Variants in GRM8 observed in about 807,000 individuals in gnomAD.
The protein encoded by GRM8 is glutamate metabotropic receptor 8.
A neutral mutation model predicts 87.2 loss-of-function variants in GRM8; 47 were observed. The observed-to-expected ratio is 0.54, with a 90% confidence interval of 0.43 to 0.69. The LOEUF (loss-of-function observed/expected upper bound fraction) is 0.69, where lower values mean the gene tolerates loss of function less well. GRM8 is among the 30% of genes least tolerant of loss of function. The pLI is 0.00. For missense variants in GRM8, 1,019 were observed against 1,139.2 expected (o/e 0.89, Z 1.52); for synonymous variants, 396 against 404.5 (o/e 0.98, Z 0.25).
At chr7:126,905,122 T>C (rs1319641093) in intron 3 of GRM8, among the ~76,000 whole-genome samples, 1 of 152,208 alleles carries the variant, frequency 6.6e-6, no homozygotes, top group African/African-American at 2.4e-5. Context: ...AGACTTCTTT[T>C]AAAGTTAATT....
At chr7:127,224,771 T>C (rs1218466471) in intron 2 of GRM8, among the ~76,000 whole-genome samples, 2 of 151,628 alleles carry the variant, frequency 1.3e-5, no homozygotes, top group Non-Finnish European at 2.9e-5. Context: ...TAAAGGGAGG[T>C]AATTTTCTTT....
intron 8 of GRM8, among the ~76,000 whole-genome samples, chr7:126,578,397 T>G (rs965022148): frequency 6.6e-6 from 1 of 152,060 alleles, no homozygotes; most frequent in Non-Finnish European, 1.5e-5. Flanking sequence ...GAAAGGAGAT[T>G]AGTAGTTTAT....
At chr7:126,508,730 A>G (rs1369253350) in intron 9 of GRM8, among the ~76,000 whole-genome samples, 1 of 152,118 alleles carries the variant, frequency 6.6e-6, no homozygotes, top group Non-Finnish European at 1.5e-5. Context: ...GTTGAAAGGT[A>G]AATTAGTTAG....
chr7:126,589,957 A>T (rs1242291363), intron 8 of GRM8, among the ~76,000 whole-genome samples: 1 of 152,116 alleles, frequency 6.6e-6, no homozygotes, highest in Admixed American at 6.6e-5. Context: ...TCTGGTAATG[A>T]CAAAACAAGG....
At chr7:127,119,787 G>A (rs758605780) in intron 2 of GRM8, among the ~76,000 whole-genome samples, 4 of 152,068 alleles carry the variant, frequency 2.6e-5, no homozygotes, top group African/African-American at 9.7e-5. Context: ...CTCTTACTTG[G>A]CCTAAATGAG....
chr7:127,073,536 C>T (rs1029203243), intron 3 of GRM8, among the ~76,000 whole-genome samples: 11 of 152,258 alleles, frequency 7.2e-5, no homozygotes, highest in African/African-American at 2.4e-4. Context: ...TCGTTTATTA[C>T]CCCCCAATGG....
intron 3 of GRM8, among the ~76,000 whole-genome samples, chr7:127,054,419 TATATC>T (rs1819783003): frequency 6.6e-6 from 1 of 152,204 alleles, no homozygotes; most frequent in Non-Finnish European, 1.5e-5. Flanking sequence ...AACTGCTTAA[TATATC>T]ATATTATGTA....
intron 6 of GRM8, among the ~76,000 whole-genome samples, chr7:126,822,093 G>A (rs941451935): frequency 2.0e-5 from 3 of 152,080 alleles, no homozygotes; most frequent in Non-Finnish European, 4.4e-5. Context: ...TCCTTCTCAA[G>A]GCATCATATC....
intron 2 of GRM8, among the ~76,000 whole-genome samples, chr7:127,194,935 G>A (rs1363153499): frequency 6.6e-6 from 1 of 152,050 alleles, no homozygotes; most frequent in African/African-American, 2.4e-5. Flanking sequence ...CAGATTCCAG[G>A]TGAAATATCA....
chr7:126,440,945 A>G (rs901383313), intron 10 of GRM8, among the ~76,000 whole-genome samples: 1 of 152,102 alleles, frequency 6.6e-6, no homozygotes, highest in Non-Finnish European at 1.5e-5. Context: ...CTAAAAATAT[A>G]AAAGTGCTAA....
intron 8 of GRM8, among the ~76,000 whole-genome samples, chr7:126,604,080 C>T (rs1417746966): frequency 6.6e-6 from 1 of 150,676 alleles, no homozygotes; most frequent in African/African-American, 2.4e-5. Context: ...TTTTTTAATC[C>T]AAGCAAGCCA....
At chr7:126,474,424 A>G (rs1805658706) in intron 9 of GRM8, among the ~76,000 whole-genome samples, 1 of 152,130 alleles carries the variant, frequency 6.6e-6, no homozygotes, top group African/African-American at 2.4e-5. Flanking sequence ...ATAGGCCACC[A>G]TGCCTGCCTA....
intron 9 of GRM8, among the ~76,000 whole-genome samples, chr7:126,502,249 C>T (rs1039902792): frequency 1.3e-5 from 2 of 152,050 alleles, no homozygotes; most frequent in South Asian, 2.1e-4. Flanking sequence ...TTTAATGTTA[C>T]ACCATCTCTA....
intron 2 of GRM8, among the ~76,000 whole-genome samples, chr7:127,184,050 G>C (rs556222355): frequency 6.6e-6 from 1 of 151,830 alleles, no homozygotes; most frequent in South Asian, 2.1e-4. Context: ...AAAGCACCAG[G>C]CTCAAATGGC....
intron 2 of GRM8, among the ~76,000 whole-genome samples, chr7:127,183,625 A>T (rs1794591230): frequency 6.6e-6 from 1 of 151,858 alleles, no homozygotes; most frequent in South Asian, 2.1e-4. Context: ...CTCTAAAAAA[A>T]AACTAGAGAA....
At chr7:127,082,293 G>A (rs1009667528) in intron 3 of GRM8, 2 of 152,134 alleles carry the variant, frequency 1.3e-5, no homozygotes, top group African/African-American at 4.8e-5. Flanking sequence ...ATTCTGCCAG[G>A]GCTGGTGTGG....
At chr7:126,801,144 A>C (rs536452308) in intron 6 of GRM8, among the ~76,000 whole-genome samples, 1 of 152,318 alleles carries the variant, frequency 6.6e-6, no homozygotes, top group South Asian at 2.1e-4. Flanking sequence ...AATCAAAGCC[A>C]TGCTATAACA....
Position 126,691,687 on chromosome 7 carries a change from C to T in GRM8, c.1357+78178G>A, listed in dbSNP as rs74802070. Among the ~76,000 whole-genome samples the T allele has an allele frequency of 9.7e-3, 1,480 of 152,208 alleles. 15 individuals carry two copies. Among genetic ancestry groups the T allele is most frequent in the Non-Finnish European group, 0.014 (965 of 67,998 alleles). On this transcript the variant is annotated intron_variant, in intron 7 of 10. Coordinates refer to ENST00000339582, the MANE Select transcript of GRM8 (RefSeq NM_000845.3). ...TGGAGGAATGAGAGTCTGTTTGGGC[C>T]CACCTGAAGGCATAATACTGGGGCC...
intron 3 of GRM8, among the ~76,000 whole-genome samples, chr7:126,939,841 A>G (rs1280376904): frequency 6.6e-6 from 1 of 152,164 alleles, no homozygotes; most frequent in Non-Finnish European, 1.5e-5. Flanking sequence ...CATCCACAAC[A>G]TTGTTTCTTA....
Sources: gnomAD v4.1 joint callset for allele counts (sites outside exome capture counted in the v4.1 genomes callset) on GRCh38, gnomAD v4.1.1 for gene constraint, MANE v1.5 for transcripts, NCBI Gene and HGNC (gene_info 2026-07-23, HGNC 2026-07-21) for gene names.